Variants in ASIC2 observed in about 807,000 individuals in gnomAD.
The protein encoded by ASIC2 is acid sensing ion channel subunit 2.
A neutral mutation model predicts 57.3 loss-of-function variants in ASIC2; 25 were observed. The observed-to-expected ratio is 0.44, with a 90% confidence interval of 0.32 to 0.61. The LOEUF (loss-of-function observed/expected upper bound fraction) is 0.61. ASIC2 is among the 20% of genes least tolerant of loss of function. The probability of loss-of-function intolerance (pLI) is 0.06; values close to 1 mark genes in which losing one functional copy is unlikely to be tolerated. For synonymous variants in ASIC2, 319 were observed against 307.5 expected, an observed-to-expected ratio of 1.04 and a Z score of -0.39; for missense variants, 641 against 738.1, an observed-to-expected ratio of 0.87 and a Z score of 1.52.
At chr17:33,685,967 G>A (rs1045841246) in intron 1 of ASIC2, among the ~76,000 whole-genome samples, 4 of 152,186 alleles carry the variant, frequency 2.6e-5, no homozygotes, top group South Asian at 2.1e-4. Flanking sequence ...GGGGACCAGG[G>A]ACTCGCTCAC....
intron 1 of ASIC2, among the ~76,000 whole-genome samples, chr17:33,657,903 A>C (rs2142042696): frequency 6.6e-6 from 1 of 152,318 alleles, no homozygotes; most frequent in South Asian, 2.1e-4. Context: ...GCTCAAGTTA[A>C]TTAGAGCCTG....
At chr17:33,842,481 T>C (rs1005444813) in intron 1 of ASIC2, among the ~76,000 whole-genome samples, 2 of 152,152 alleles carry the variant, frequency 1.3e-5, no homozygotes, top group African/African-American at 4.8e-5. Context: ...AATATAAAAC[T>C]GCAAATATCC....
At chr17:33,616,747 A>G (rs1905616681) in intron 1 of ASIC2, among the ~76,000 whole-genome samples, 1 of 152,218 alleles carries the variant, frequency 6.6e-6, no homozygotes, top group Non-Finnish European at 1.5e-5. Flanking sequence ...TCTGCCAAGG[A>G]GAGGCTCTTT....
chr17:34,052,528 A>C (rs1567802198), intron 1 of ASIC2, among the ~76,000 whole-genome samples: 1 of 151,266 alleles, frequency 6.6e-6, no homozygotes, highest in South Asian at 2.1e-4. Flanking sequence ...TTGCCTCCCC[A>C]CCATCCTTCC....
chr17:34,034,254 C>T (rs1427248069), intron 1 of ASIC2, among the ~76,000 whole-genome samples: 1 of 152,126 alleles, frequency 6.6e-6, no homozygotes, highest in Admixed American at 6.5e-5. Context: ...GAACCAAAGA[C>T]AAAAACCACA....
chr17:33,972,546 C>A (rs1376904274), intron 1 of ASIC2, among the ~76,000 whole-genome samples: 1 of 152,164 alleles, frequency 6.6e-6, no homozygotes, highest in Non-Finnish European at 1.5e-5. Context: ...CATCAAGAAG[C>A]ATTCTCTGTT....
chr17:34,039,364 C>A, intron 1 of ASIC2: 1 of 1,613,940 alleles, frequency 6.2e-7, no homozygotes, highest in East Asian at 2.2e-5. Context: ...GAAGCAGAGG[C>A]CAGCTCCCCT....
intron 1 of ASIC2, among the ~76,000 whole-genome samples, chr17:33,948,838 A>G (rs1292942458): frequency 6.6e-6 from 1 of 152,246 alleles, no homozygotes; most frequent in African/African-American, 2.4e-5. Context: ...ATAAAGGAGG[A>G]TGAAGAAGAA....
chr17:33,642,971 A>G (rs72811176), intron 1 of ASIC2, among the ~76,000 whole-genome samples: 12,945 of 152,308 alleles, frequency 0.085, 655 homozygotes, highest in Middle Eastern at 0.13. Context: ...TTTGTTGACC[A>G]GGGTGGGTGC....
intron 1 of ASIC2, among the ~76,000 whole-genome samples, chr17:33,831,237 C>T (rs1913100502): frequency 6.6e-6 from 1 of 151,228 alleles, no homozygotes; most frequent in Non-Finnish European, 1.5e-5. Context: ...CTTCTCCTCC[C>T]TAGTCGAGAT....
chr17:33,626,195 T>C (rs1027307201), intron 1 of ASIC2, among the ~76,000 whole-genome samples: 1 of 152,140 alleles, frequency 6.6e-6, no homozygotes, highest in Non-Finnish European at 1.5e-5. Context: ...ATGAATAAAA[T>C]TGGATGTATT....
At chr17:33,914,063 G>C (rs149227190) in intron 1 of ASIC2, among the ~76,000 whole-genome samples, 2,811 of 152,306 alleles carry the variant, frequency 0.018, 41 homozygotes, top group Non-Finnish European at 0.027. Context: ...ATAAGGGAAA[G>C]GGGGCGTAGA....
At chr17:33,413,611 C>T (rs554297475) in intron 1 of ASIC2, among the ~76,000 whole-genome samples, 4 of 152,346 alleles carry the variant, frequency 2.6e-5, no homozygotes, top group Admixed American at 1.3e-4. Flanking sequence ...TATCCTGCCA[C>T]GCCCATTCTC....
At chr17:33,989,536 G>A (rs548367157) in intron 1 of ASIC2, among the ~76,000 whole-genome samples, 3 of 152,202 alleles carry the variant, frequency 2.0e-5, no homozygotes, top group Non-Finnish European at 4.4e-5. Context: ...ACTCTTTTGT[G>A]GTAGGCACGC....
intron 1 of ASIC2, among the ~76,000 whole-genome samples, chr17:34,016,140 C>T (rs571954399): frequency 1.3e-5 from 2 of 152,176 alleles, no homozygotes; most frequent in South Asian, 2.1e-4. Context: ...TGCAACTGCC[C>T]ATGGCCAGGC....
intron 1 of ASIC2, among the ~76,000 whole-genome samples, chr17:33,364,073 G>A (rs77956144): frequency 0.03 from 4,549 of 152,278 alleles, 100 homozygotes; most frequent in Non-Finnish European, 0.045. Context: ...GAGGCTCAGG[G>A]AGGTACAGTG....
chr17:33,967,595 T>C (rs1025685818), intron 1 of ASIC2, among the ~76,000 whole-genome samples: 2 of 152,176 alleles, frequency 1.3e-5, no homozygotes, highest in African/African-American at 2.4e-5. Context: ...TACACCCCAC[T>C]GTTACCTTAT....
intron 1 of ASIC2, chr17:34,038,557 T>A: frequency 6.2e-7 from 1 of 1,609,956 alleles, no homozygotes; most frequent in Non-Finnish European, 8.5e-7. Flanking sequence ...ACAACAAATA[T>A]CTGTCATTTA....
chr17:33,521,453 C>T (rs528741692), intron 1 of ASIC2, among the ~76,000 whole-genome samples: 43 of 152,212 alleles, frequency 2.8e-4, no homozygotes, highest in African/African-American at 9.6e-4. Context: ...GCAGGGATGG[C>T]CCAGTTCTGA....
Sources: allele counts gnomAD v4.1 joint callset (sites outside exome capture counted in the v4.1 genomes callset), GRCh38; gene constraint gnomAD v4.1.1; transcripts MANE v1.5; gene names NCBI Gene and HGNC (gene_info 2026-07-23, HGNC 2026-07-21).